Variants in NEDD9 observed in about 807,000 individuals in gnomAD.
The protein encoded by NEDD9 is neural precursor cell expressed, developmentally down-regulated 9.
In NEDD9, 26 loss-of-function variants were observed where a neutral mutation model predicts 76.6. The ratio of observed to expected loss-of-function variants is 0.34; its 90% CI spans 0.25 to 0.47. The LOEUF (loss-of-function observed/expected upper bound fraction) is 0.47. Among genes scored for constraint, NEDD9 ranks in the 20% least tolerant of loss-of-function variants. The pLI, the probability that NEDD9 is intolerant of heterozygous loss-of-function variation, is 1.00. For synonymous variants in NEDD9, 392 were observed against 414.2 expected (o/e 0.95, Z 0.65); for missense variants, 937 against 1,058.5 (o/e 0.89, Z 1.59).
intron 2 of NEDD9, among the ~76,000 whole-genome samples, chr6:11,325,308 T>A (rs1272524861): frequency 6.7e-6 from 1 of 149,902 alleles, no homozygotes; most frequent in Admixed American, 6.7e-5. Context: ...TGAACTGAGA[T>A]CATGCCACTG....
At chr6:11,375,181 C>A in intron 1 of NEDD9, among the ~76,000 whole-genome samples, 1 of 152,208 alleles carries the variant, frequency 6.6e-6, no homozygotes, top group East Asian at 1.9e-4. Flanking sequence ...TACATTCATG[C>A]AATAGGATAC....
At chr6:11,189,574 A>G (rs1461624014) in intron 5 of NEDD9, among the ~76,000 whole-genome samples, 6 of 152,212 alleles carry the variant, frequency 3.9e-5, no homozygotes, top group Non-Finnish European at 7.3e-5. Context: ...AACTATACAT[A>G]AAACACAAAT....
intron 4 of NEDD9, 67 bp downstream of exon 4, chr6:11,192,278 C>A: frequency 3.1e-6 from 1 of 327,820 alleles, no homozygotes; most frequent in Non-Finnish European, 5.2e-6. Context: ...CCCTCCCAAC[C>A]CTGCACCCCC....
chr6:11,220,619 C>G (rs1292092357), intron 1 of NEDD9, among the ~76,000 whole-genome samples: 1 of 152,148 alleles, frequency 6.6e-6, no homozygotes, highest in Non-Finnish European at 1.5e-5. Flanking sequence ...TCATTTGGAA[C>G]CCAGCACTAT....
chr6:11,368,820 C>T (rs1582053498), intron 1 of NEDD9, among the ~76,000 whole-genome samples: 1 of 152,024 alleles, frequency 6.6e-6, no homozygotes, highest in Non-Finnish European at 1.5e-5. Flanking sequence ...TCTTTACATC[C>T]CTTCTCTTTT....
At chr6:11,201,235 A>G (rs3798735) in intron 2 of NEDD9, among the ~76,000 whole-genome samples, 34,668 of 152,194 alleles carry the variant, frequency 0.23, 4,748 homozygotes, top group South Asian at 0.45. Context: ...CAGAACTTCA[A>G]CTTCTCAGCT....
At chr6:11,234,017 G>A (rs932994510), upstream of NEDD9, among the ~76,000 whole-genome samples, 1 of 152,108 alleles carries the variant, frequency 6.6e-6, no homozygotes, top group African/African-American at 2.4e-5. Context: ...CTACAAAAGT[G>A]GTTTCCAGAT....
chr6:11,297,770 A>G (rs949198916), intron 3 of NEDD9, among the ~76,000 whole-genome samples: 7 of 152,208 alleles, frequency 4.6e-5, no homozygotes, highest in South Asian at 2.1e-4. Flanking sequence ...GGTCGGTACT[A>G]TTCTCATTCT....
intron 2 of NEDD9, among the ~76,000 whole-genome samples, chr6:11,316,776 T>G (rs1201912138): frequency 2.6e-5 from 4 of 152,216 alleles, no homozygotes; most frequent in African/African-American, 9.7e-5. Flanking sequence ...GAAATGGATA[T>G]TTAGCAAGGA....
chr6:11,194,268 G>A (rs1758236445), intron 2 of NEDD9, among the ~76,000 whole-genome samples: 1 of 152,156 alleles, frequency 6.6e-6, no homozygotes, highest in African/African-American at 2.4e-5. Flanking sequence ...TAGAGTTGAT[G>A]CACTGCAAGC....
At chr6:11,305,892 C>T in intron 3 of NEDD9, 2 of 1,426,128 alleles carry the variant, frequency 1.4e-6, no homozygotes, top group South Asian at 2.3e-5. Flanking sequence ...GCCCGTATGA[C>T]AAAAAAACAT....
chr6:11,192,495 G>T, intron 3 of NEDD9, 49 bp from the exon 4 acceptor site: 1 of 1,404,054 alleles, frequency 7.1e-7, no homozygotes, highest in Non-Finnish European at 1.0e-6. Flanking sequence ...CTTATACTTG[G>T]TCATTTTTTA....
At chr6:11,230,391 C>G (rs866814966) in intron 1 of NEDD9, among the ~76,000 whole-genome samples, 3 of 152,220 alleles carry the variant, frequency 2.0e-5, no homozygotes, top group African/African-American at 7.2e-5. Context: ...AGATAAATTA[C>G]TTAGCCTCTC....
At chr6:11,343,553 CT>C (rs1762313409) in intron 1 of NEDD9, among the ~76,000 whole-genome samples, 2 of 152,150 alleles carry the variant, frequency 1.3e-5, no homozygotes, top group African/African-American at 4.8e-5. Context: ...TTTTGTCTTG[CT>C]TTATATTACC....
upstream of NEDD9, among the ~76,000 whole-genome samples, chr6:11,236,320 C>G (rs1759599367): frequency 6.6e-6 from 1 of 152,194 alleles, no homozygotes; most frequent in Non-Finnish European, 1.5e-5. The surrounding 1 kb of genome is among the most constrained non-coding windows in gnomAD (Gnocchi z 5.5). Flanking sequence ...CAACCAAGCA[C>G]TCTTCCTTCC....
chr6:11,312,410 G>C (rs913279097), intron 2 of NEDD9, among the ~76,000 whole-genome samples: 22 of 152,010 alleles, frequency 1.4e-4, no homozygotes, highest in African/African-American at 5.3e-4. Flanking sequence ...GCCTCCTGCA[G>C]TGCTCTTGTA....
chr6:11,318,486 C>T (rs551658710), intron 2 of NEDD9, among the ~76,000 whole-genome samples: 119 of 152,250 alleles, frequency 7.8e-4, no homozygotes, highest in African/African-American at 2.8e-3. Context: ...TGATGACTCA[C>T]TCATGTTACA....
In NEDD9 at chr6:11,185,474, A is replaced by G. The variant is rs772164055; in HGVS notation, c.2193T>C (p.Ser731=). 6.2e-7 allele frequency: 1 copy of G among 1,614,240 alleles called. No homozygotes were observed. The change falls in exon 7 of 7, where the codon AGT becomes AGC. Residue 731 remains serine (S), a synonymous_variant. Coordinates refer to ENST00000379446, the MANE Select transcript of NEDD9 (RefSeq NM_006403.4). Reference sequence around the variant, plus strand: ...GCGGGGGCTGGGCTGAGCTGACACAACTGAAGAGTGCGTCAATGGCGTTGA... The same window carrying G: ...GCGGGGGCTGGGCTGAGCTGACACAGCTGAAGAGTGCGTCAATGGCGTTGA... ...SLLNAIDALF[S]CVSSAQPPRI...
rs530722853 is a variant in NEDD9, at chr6:11,339,359, G to A, written c.-213-4798C>T. 3.9e-5 allele frequency among the ~76,000 whole-genome samples: 6 copies of A among 152,230 alleles called. No homozygotes were observed. In the East Asian group the frequency reaches 9.6e-4, roughly 24 times the overall value. On this transcript the variant is annotated intron_variant, in intron 1 of 3. Coordinates refer to the NEDD9 transcript ENST00000397378. Reference sequence around the variant, plus strand: ...CTGACTTTCTCAATCAAAACAAACAGCATTTCCAAGGTAATCACTTCTCAG... The same window carrying A: ...CTGACTTTCTCAATCAAAACAAACAACATTTCCAAGGTAATCACTTCTCAG...
Sources: allele counts gnomAD v4.1 joint callset (sites outside exome capture counted in the v4.1 genomes callset), GRCh38; gene constraint gnomAD v4.1.1; non-coding constraint Gnocchi (gnomAD v3.1); transcripts MANE v1.5; gene names NCBI Gene and HGNC (gene_info 2026-07-23, HGNC 2026-07-21).